The following DIDO1 variants were observed in gnomAD, a reference collection of about 807,000 sequenced individuals.
DIDO1 encodes the protein death inducer-obliterator 1.
DIDO1 carries 16 observed loss-of-function variants against 99.4 expected under a neutral mutation model. That is an observed-to-expected ratio of 0.16 (90% CI 0.11 to 0.24). The LOEUF (loss-of-function observed/expected upper bound fraction) is 0.24, where lower values mean the gene tolerates loss of function less well. Ranked by LOEUF, DIDO1 falls within the 10% of genes least tolerant of loss-of-function variation. DIDO1 has a pLI of 1.00. For synonymous variants in DIDO1, 1,366 were observed against 1,239.1 expected (o/e 1.10, Z -2.15); for missense variants, 2,996 against 3,014.0 (o/e 0.99, Z 0.14).
intron 1 of DIDO1, among the ~76,000 whole-genome samples, chr20:62,935,638 G>C (rs1306399407): frequency 6.6e-6 from 1 of 152,226 alleles, no homozygotes; most frequent in African/African-American, 2.4e-5. Context: ...GTTGACATGA[G>C]AAAACCTCCA....
At chr20:62,936,763 C>T (rs1294708467) in intron 1 of DIDO1, among the ~76,000 whole-genome samples, 2 of 152,014 alleles carry the variant, frequency 1.3e-5, no homozygotes, top group Admixed American at 6.6e-5. Flanking sequence ...ACTCGGGAGG[C>T]TGAGGCAGGA....
In DIDO1 at chr20:62,881,764, C is replaced by T; in HGVS notation, c.4192G>A (p.Asp1398Asn). The T allele has an allele frequency of 1.2e-6, 2 of 1,613,290 alleles. No individual in the cohort carries two copies. Among genetic ancestry groups the T allele is most frequent in the Non-Finnish European group, 1.7e-6 (2 of 1,180,022 alleles). The change falls in exon 16 of 16, where the codon GAC becomes AAC. Residue 1398 changes from aspartate (D) to asparagine (N), a missense_variant. This residue lies in a region of DIDO1 where 1,562 missense variants were observed against 1,412.6 expected (regional missense o/e 1.11). Transcript: ENST00000395343. This position sits in a 1 kb window ranked among gnomAD's most constrained non-coding sequence, Gnocchi z 8.3. ...EEEYDPERAF[D>N]TQLVERGRRH... ...CGCCCTCGCTCCACAAGCTGAGTGT[C>T]GAAGGCCCTCTCCGGGTCGTACTCC...
intron 5 of DIDO1, 52 bp downstream of exon 5, chr20:62,907,095 G>T (rs1463348662): frequency 8.0e-5 from 127 of 1,584,722 alleles, no homozygotes; most frequent in Non-Finnish European, 1.1e-4. Flanking sequence ...TGCGACAAAC[G>T]CTCTCACGCC....
Position 62,911,806 on chromosome 20 carries a change from ATATAGT to A in DIDO1, c.-2-198_-2-193del, listed in dbSNP as rs1290338159. Among the ~76,000 whole-genome samples, 1 of 152,274 alleles carries A rather than the reference ATATAGT, an allele frequency of 6.6e-6. No homozygotes were observed. Among genetic ancestry groups the A allele is most frequent in the Non-Finnish European group, 1.5e-5 (1 of 68,048 alleles). ...AAGATGATTTGTAAAGATAATTTTA[ATATAGT>A]TAAACAACTAACGTTTAGACAAAAA... On this transcript the variant is annotated intron_variant, in intron 2 of 15. Transcript: ENST00000395343. This position sits in a 1 kb window ranked among gnomAD's most constrained non-coding sequence, Gnocchi z 7.0.
chr20:62,890,863 G>A lies in DIDO1; in HGVS notation c.3541+97C>T, dbSNP rs2064381759. 6 of 1,600,432 alleles carry A rather than the reference G, an allele frequency of 3.7e-6. No homozygotes were observed. In the Admixed American group the frequency reaches 1.0e-4, roughly 27 times the overall value. ...TGTGCTCCTAACTCCTGCTCCCAGA[G>A]AGCCCTGGGCTGGTCAGGACTCAGC... On this transcript the variant is annotated intron_variant, in intron 15 of 15. Coordinates refer to ENST00000395343, the MANE Select transcript of DIDO1 (RefSeq NM_001193369.2).
At position 62,879,646 on chromosome 20, in the gene DIDO1, CG is replaced by C; in HGVS notation, c.6309del (p.Asp2104ThrfsTer170). The C allele has an allele frequency of 6.2e-7, 1 of 1,607,118 alleles. No homozygotes were observed. ...TCCTCGGACGCCCGGCCCTGGGCGT[CG>C]GGCTCCTCCAGCGGCTTCTCTTTGG... ...VGPKEKPLEE[P>X]DAQGRASEDR... On this transcript the variant is annotated frameshift_variant, in exon 16 of 16. Coordinates refer to ENST00000395343, the MANE Select transcript of DIDO1 (RefSeq NM_001193369.2). LOFTEE classifies it low-confidence loss of function (END_TRUNC). The surrounding 1 kb of genome is among the most constrained non-coding windows in gnomAD (Gnocchi z 6.3).
At chr20:62,937,301 GAGCGGACAGGCAATA>G (rs1396109619) in intron 1 of DIDO1, among the ~76,000 whole-genome samples, 1 of 152,258 alleles carries the variant, frequency 6.6e-6, no homozygotes, top group African/African-American at 2.4e-5. Flanking sequence ...CATTCCTCCT[GAGCGGACAGGCAATA>G]AGCAAGTAAA....
chr20:62,879,278 G>C lies in DIDO1; in HGVS notation c.6678C>G (p.Pro2226=). 1 of 1,573,662 alleles carries C rather than the reference G, an allele frequency of 6.4e-7. No homozygotes were observed. The highest frequency in any genetic ancestry group is 8.6e-7 in the Non-Finnish European group (1 of 1,163,062). The change falls in exon 16 of 16, where the codon CCC becomes CCG. Residue 2226 remains proline (P), a synonymous_variant. Transcript: ENST00000395343. This position sits in a 1 kb window ranked among gnomAD's most constrained non-coding sequence, Gnocchi z 6.3. The part of the protein sequence containing the change: ...KSKESARDPK[P]EASRASDAGT... Reference sequence around the variant, plus strand: ...CAGCGTCGGAGGCCCTCGAGGCCTCGGGCTTCGGGTCCCGAGCGCTCTCTT... The same window carrying C: ...CAGCGTCGGAGGCCCTCGAGGCCTCCGGCTTCGGGTCCCGAGCGCTCTCTT...
chr20:62,893,931 G>C lies in DIDO1; in HGVS notation c.2836C>G (p.Leu946Val). The C allele has an allele frequency of 6.2e-7, 1 of 1,612,178 alleles. No individual in the cohort carries two copies. Among genetic ancestry groups the C allele is most frequent in the Non-Finnish European group, 8.5e-7 (1 of 1,178,494 alleles). ...GHPEPSPLED[L>V]SPCPASCGSG... The stretch of plus-strand genomic sequence containing the variant: ...CCACAGGAGGCTGGGCAGGGGGACA[G>C]GTCTTCCAGCGGGGAGGGCTCGGGA... The change falls in exon 12 of 16, where the codon CTG becomes GTG. Residue 946 changes from leucine to valine, a missense_variant. Physicochemically the swap from Leu to Val is conservative, Grantham distance 32. This residue lies in a region of DIDO1 where 898 missense variants were observed against 972.7 expected (regional missense o/e 0.92). Coordinates refer to ENST00000395343, the MANE Select transcript of DIDO1 (RefSeq NM_001193369.2).
At position 62,907,155 on chromosome 20, in the gene DIDO1, C is replaced by T. The variant is rs762612611; in HGVS notation, c.1366G>A (p.Gly456Ser). 96 of 1,614,106 alleles carry T rather than the reference C, an allele frequency of 5.9e-5. No homozygotes were observed. The highest frequency in any genetic ancestry group is 1.6e-4 in the Middle Eastern group (1 of 6,084). Residue 456 changes from glycine to serine, a missense_variant, in exon 5 of 16, where the codon GGT becomes AGT. Transcript: ENST00000395343. ...KPEKPSLPKC[G>S]AQAGIKISSV... ...GGTCCTGGTCCACTCACCTGAGCAC[C>T]GCATTTCGGAAGACTGGGCTTCTCT...
chr20:62,881,619 T>C lies in DIDO1; in HGVS notation c.4337A>G (p.Asn1446Ser). The part of the protein sequence containing the change: ...EAKVTVDDLP[N>S]RMCADVRRNS... ...CCTTCTCACGTCGGCACACATCCTG[T>C]TGGGCAGGTCATCAACAGTCACTTT... The change falls in exon 16 of 16, where the codon AAC becomes AGC. Residue 1446 changes from asparagine to serine, a missense_variant. Asn to Ser is a conservative substitution (Grantham distance 46). This residue lies in a region of DIDO1 where 1,562 missense variants were observed against 1,412.6 expected (regional missense o/e 1.11). Transcript: ENST00000395343. This position sits in a 1 kb window ranked among gnomAD's most constrained non-coding sequence, Gnocchi z 8.3. 6.2e-7 allele frequency: 1 copy of C among 1,612,582 alleles called. No individual in the cohort carries two copies. Among genetic ancestry groups the C allele is most frequent in the Non-Finnish European group, 8.5e-7 (1 of 1,180,008 alleles).
intron 1 of DIDO1, among the ~76,000 whole-genome samples, chr20:62,917,895 C>G (rs904013816): frequency 3.3e-5 from 5 of 152,164 alleles, no homozygotes; most frequent in Non-Finnish European, 7.3e-5. Context: ...TCATCTTTAC[C>G]TCTTAGCCCC....
upstream of DIDO1, among the ~76,000 whole-genome samples, chr20:62,930,348 T>C (rs140474646): frequency 7.3e-4 from 111 of 152,348 alleles, 1 homozygote; most frequent in African/African-American, 2.5e-3. Flanking sequence ...CGCTGAATGC[T>C]GTTTTGAGAC....
chr20:62,936,286 G>A (rs1250088554), intron 1 of DIDO1, among the ~76,000 whole-genome samples: 7 of 152,210 alleles, frequency 4.6e-5, no homozygotes, highest in Admixed American at 1.3e-4. Context: ...GGATGCGGTG[G>A]CTCATGACTG....
chr20:62,880,200 G>C lies in DIDO1; in HGVS notation c.5756C>G (p.Pro1919Arg). Reference sequence around the variant, plus strand: ...TCTTGGGCCCACGAAATGACCAGGGGGTGGTCCTCTCTGACCTCCAAACTG... The same window carrying C: ...TCTTGGGCCCACGAAATGACCAGGGCGTGGTCCTCTCTGACCTCCAAACTG... ...PSQFGGQRGPPPGHFVGPRGP... is the reference protein window; with the variant it reads ...PSQFGGQRGPRPGHFVGPRGP... Residue 1919 changes from proline to arginine, a missense_variant, in exon 16 of 16, where the codon CCC (proline) becomes CGC (arginine). This residue lies in a region of DIDO1 where 1,562 missense variants were observed against 1,412.6 expected (regional missense o/e 1.11). Transcript: ENST00000395343. The C allele has an allele frequency of 6.2e-7, 1 of 1,612,428 alleles. No homozygotes were observed. Among genetic ancestry groups the C allele is most frequent in the Admixed American group, 1.7e-5 (1 of 60,024 alleles).
At position 62,880,904 on chromosome 20, in the gene DIDO1, G is replaced by C; in HGVS notation, c.5052C>G (p.Thr1684=). 6 of 1,611,382 alleles carry C rather than the reference G, an allele frequency of 3.7e-6. No individual in the cohort carries two copies. The highest frequency in any genetic ancestry group is 5.1e-6 in the Non-Finnish European group (6 of 1,179,920). ...LQHDGERDPF[T]CPGFASQDKA... ...TGTCCTGCGACGCGAACCCCGGGCAGGTGAAAGGGTCCCTCTCACCGTCGT... is the reference window on the plus strand; with the variant it reads ...TGTCCTGCGACGCGAACCCCGGGCACGTGAAAGGGTCCCTCTCACCGTCGT... Residue 1684 remains threonine (T), a synonymous_variant, in exon 16 of 16, where the codon ACC becomes ACG. Transcript: ENST00000395343.
At chr20:62,926,751 G>C (rs919640935), upstream of DIDO1, among the ~76,000 whole-genome samples, 3 of 152,232 alleles carry the variant, frequency 2.0e-5, no homozygotes, top group Non-Finnish European at 4.4e-5. Context: ...GTGCCCTTGC[G>C]GGGATCCCTC....
In DIDO1 at chr20:62,880,145, G is replaced by A. The variant is rs2064174193; in HGVS notation, c.5811C>T (p.Ala1937=). The change falls in exon 16 of 16, where the codon GCC becomes GCT. Residue 1937 remains alanine (A), a synonymous_variant. Coordinates refer to ENST00000395343, the MANE Select transcript of DIDO1 (RefSeq NM_001193369.2). Reference sequence around the variant, plus strand: ...CAAACTGGTTGGGATGAGGGCCCCGGGCAGTTTCAAACTGACTAGGATGGG... The same window carrying A: ...CAAACTGGTTGGGATGAGGGCCCCGAGCAGTTTCAAACTGACTAGGATGGG... ...RGPHPSQFET[A]RGPHPNQFEG... The A allele has an allele frequency of 6.2e-7, 1 of 1,612,436 alleles. No homozygotes were observed.
Position 62,926,493 on chromosome 20 carries a change from C to G in DIDO1, c.-254G>C, listed in dbSNP as rs1162879033. On this transcript the variant is annotated 5_prime_UTR_variant, in exon 1 of 16. Coordinates refer to ENST00000395343, the MANE Select transcript of DIDO1 (RefSeq NM_001193369.2). The stretch of plus-strand genomic sequence containing the variant: ...CCCCGAACGCCGCGGAGTGGGCGGA[C>G]GGCCACCGAGATGGCGCGGGGCTAG... 1 of 151,946 alleles carries G rather than the reference C, an allele frequency of 6.6e-6. No homozygotes were observed. The highest frequency in any genetic ancestry group is 1.5e-5 in the Non-Finnish European group (1 of 67,942). The allele number at this position is 151,946 out of a possible 1,614,324, so 9.4% of individuals were successfully genotyped here.
Sources: allele counts gnomAD v4.1 joint callset (sites outside exome capture counted in the v4.1 genomes callset), GRCh38; gene constraint gnomAD v4.1.1; regional missense constraint gnomAD v4.1.1; non-coding constraint Gnocchi (gnomAD v3.1); transcripts MANE v1.5; gene names NCBI Gene and HGNC (gene_info 2026-07-23, HGNC 2026-07-21).